The following GPC6 variants were observed in gnomAD, a reference collection of about 807,000 sequenced individuals.
The protein encoded by GPC6 is glypican 6, also known as glypican-6.
Under a neutral mutation model 55.2 loss-of-function variants are expected in GPC6, and 14 were observed. The observed-to-expected ratio is 0.25, with a 90% CI of 0.17 to 0.40. The LOEUF is 0.40. Among genes scored for constraint, GPC6 ranks in the 10% least tolerant of loss-of-function variants. GPC6 has a pLI of 1.00. For missense variants in GPC6, 641 were observed against 708.5 expected (o/e 0.90, Z 1.08); for synonymous variants, 278 against 259.6 (o/e 1.07, Z -0.68).
intron 4 of GPC6, among the ~76,000 whole-genome samples, chr13:94,190,730 C>A (rs931125455): frequency 6.6e-6 from 1 of 152,076 alleles, no homozygotes; most frequent in Non-Finnish European, 1.5e-5. Flanking sequence ...AGGAAATACA[C>A]CCTGAAGTAT....
chr13:93,911,017 A>T (rs1275184386), intron 3 of GPC6, among the ~76,000 whole-genome samples: 1 of 152,188 alleles, frequency 6.6e-6, no homozygotes, highest in Non-Finnish European at 1.5e-5. Context: ...ATCAGAATCC[A>T]ATATTGTCTC....
chr13:93,515,095 C>T (rs1881135151), intron 1 of GPC6, among the ~76,000 whole-genome samples: 1 of 152,130 alleles, frequency 6.6e-6, no homozygotes, highest in East Asian at 1.9e-4. Context: ...TCTCCTTTCT[C>T]TCTTGCTATC....
intron 7 of GPC6, among the ~76,000 whole-genome samples, chr13:94,388,067 C>A (rs966374523): frequency 1.3e-5 from 2 of 151,992 alleles, no homozygotes; most frequent in Non-Finnish European, 2.9e-5. Flanking sequence ...ATTGCCAGAT[C>A]TAGCACATAA....
upstream of GPC6, among the ~76,000 whole-genome samples, chr13:93,225,617 G>T (rs1875751874): frequency 6.6e-6 from 1 of 152,072 alleles, no homozygotes; most frequent in South Asian, 2.1e-4. Context: ...AAGGTTAAAT[G>T]AGGTTGAATC....
intron 1 of GPC6, among the ~76,000 whole-genome samples, chr13:93,281,470 G>T (rs550157779): frequency 3.5e-4 from 54 of 152,282 alleles, no homozygotes; most frequent in African/African-American, 1.3e-3. Flanking sequence ...AACTGTAATA[G>T]CTCAGTGTTA....
chr13:93,458,103 T>C (rs1474877885), intron 1 of GPC6, among the ~76,000 whole-genome samples: 1 of 152,206 alleles, frequency 6.6e-6, no homozygotes, highest in Non-Finnish European at 1.5e-5. Context: ...GGTACAAGGC[T>C]GAAAGAACAT....
At chr13:93,695,937 A>G (rs569025651) in intron 2 of GPC6, among the ~76,000 whole-genome samples, 7 of 152,188 alleles carry the variant, frequency 4.6e-5, no homozygotes, top group Non-Finnish European at 1.0e-4. Flanking sequence ...TTATCTAATT[A>G]TGAGTATCAT....
intron 4 of GPC6, among the ~76,000 whole-genome samples, chr13:94,182,845 G>T (rs902345583): frequency 1.3e-5 from 2 of 152,126 alleles, no homozygotes; most frequent in African/African-American, 4.8e-5. Flanking sequence ...GCACAAACAG[G>T]GTTCACTACA....
At chr13:94,388,450 G>A (rs927646935) in intron 7 of GPC6, among the ~76,000 whole-genome samples, 2 of 152,210 alleles carry the variant, frequency 1.3e-5, no homozygotes, top group Admixed American at 6.5e-5. Flanking sequence ...CATCAGGAGA[G>A]AATTTTAAGT....
intron 3 of GPC6, among the ~76,000 whole-genome samples, chr13:93,936,723 C>T (rs971844592): frequency 2.0e-5 from 3 of 152,094 alleles, no homozygotes; most frequent in African/African-American, 7.2e-5. Flanking sequence ...AGTAGGGAAA[C>T]TCGTAAGAAA....
chr13:93,481,588 AT>A (rs1037880625), intron 1 of GPC6, among the ~76,000 whole-genome samples: 6 of 150,848 alleles, frequency 4.0e-5, no homozygotes, highest in African/African-American at 7.3e-5. Flanking sequence ...CTGTAGCCTT[AT>A]TTTTTTGGTG....
At chr13:93,230,438 G>C (rs1045222945) in intron 1 of GPC6, among the ~76,000 whole-genome samples, 2 of 152,122 alleles carry the variant, frequency 1.3e-5, no homozygotes, top group African/African-American at 2.4e-5. Context: ...TGCACCATCA[G>C]TTTTCACTCA....
chr13:93,343,794 G>T (rs1223704945), intron 1 of GPC6, among the ~76,000 whole-genome samples: 1 of 152,044 alleles, frequency 6.6e-6, no homozygotes, highest in African/African-American at 2.4e-5. Context: ...TGCTCCTTGG[G>T]TTCTTTCTGT....
At chr13:93,730,782 G>C (rs1883795336) in intron 2 of GPC6, among the ~76,000 whole-genome samples, 1 of 152,152 alleles carries the variant, frequency 6.6e-6, no homozygotes, top group Non-Finnish European at 1.5e-5. Flanking sequence ...ACCATTTCTT[G>C]TTTTGGCAGC....
chr13:94,071,563 G>A (rs1335136708), intron 4 of GPC6, among the ~76,000 whole-genome samples: 1 of 152,080 alleles, frequency 6.6e-6, no homozygotes, highest in Non-Finnish European at 1.5e-5. Flanking sequence ...CTGTATCTGT[G>A]GTTTTATCTG....
At chr13:93,547,412 T>C (rs962285433) in intron 2 of GPC6, among the ~76,000 whole-genome samples, 14 of 152,154 alleles carry the variant, frequency 9.2e-5, no homozygotes, top group Non-Finnish European at 2.1e-4. Flanking sequence ...CTTCTTGTAT[T>C]ATATCAATAA....
intron 6 of GPC6, among the ~76,000 whole-genome samples, chr13:94,347,046 T>C (rs762289409): frequency 6.6e-6 from 1 of 152,204 alleles, no homozygotes; most frequent in Non-Finnish European, 1.5e-5. Context: ...TTTCCTTTTT[T>C]CTTCTTCAAT....
intron 2 of GPC6, among the ~76,000 whole-genome samples, chr13:93,639,585 T>A (rs1471633457): frequency 6.6e-6 from 1 of 152,066 alleles, no homozygotes; most frequent in Non-Finnish European, 1.5e-5. Context: ...TGGACCAGTA[T>A]GGGGTGATGA....
Position 94,092,218 on chromosome 13 carries a change from C to T in GPC6, c.877+64324C>T, listed in dbSNP as rs371959558. Among the ~76,000 whole-genome samples the T allele has an allele frequency of 2.4e-4, 36 of 151,940 alleles. 1 individual carries two copies. The highest frequency in any genetic ancestry group is 7.8e-4 in the East Asian group (4 of 5,152). ...TAGATTATTAACTATAATCACTGTG[C>T]TCTATATTGTAGCTCCAGAAATTAT... On this transcript the variant is annotated intron_variant, in intron 4 of 8. Coordinates refer to ENST00000377047, the MANE Select transcript of GPC6 (RefSeq NM_005708.5).
Sources: allele counts gnomAD v4.1 joint callset (sites outside exome capture counted in the v4.1 genomes callset), GRCh38; gene constraint gnomAD v4.1.1; transcripts MANE v1.5; gene names NCBI Gene and HGNC (gene_info 2026-07-23, HGNC 2026-07-21).